Variants in SLC15A3 observed in about 807,000 individuals in gnomAD.
SLC15A3 encodes solute carrier family 15 member 3, also known as osteoclast transporter.
Under a neutral mutation model 49.2 loss-of-function variants are expected in SLC15A3, and 39 were observed. The ratio of observed to expected loss-of-function variants is 0.79; its 90% CI spans 0.61 to 1.04. SLC15A3 has a LOEUF of 1.04. Ranked by LOEUF, SLC15A3 falls within the 50% of genes least tolerant of loss-of-function variation. The probability of loss-of-function intolerance (pLI) is 0.00; values close to 1 mark genes in which losing one functional copy is unlikely to be tolerated. For missense variants in SLC15A3, 758 were observed against 794.8 expected, an observed-to-expected ratio of 0.95 and a Z score of 0.56; for synonymous variants, 339 against 367.0, an observed-to-expected ratio of 0.92 and a Z score of 0.87.
At chr11:60,949,564 G>GAAAGAAAGAAAGGAAGA in intron 1 of SLC15A3, among the ~76,000 whole-genome samples, 1 of 118,016 alleles carries the variant, frequency 8.5e-6, no homozygotes, top group South Asian at 3.2e-4. Flanking sequence ...AAGAAAGAAA[G>GAAAGAAAGAAAGGAAGA]AAAGAAAAGA....
In SLC15A3 at chr11:60,937,189, G is replaced by A. The variant is rs768219503; in HGVS notation, c.*30C>T. On this transcript the variant is annotated 3_prime_UTR_variant, in exon 8 of 8. Coordinates refer to ENST00000227880, the MANE Select transcript of SLC15A3 (RefSeq NM_016582.3). The stretch of plus-strand genomic sequence containing the variant: ...GGACTGCTGCCGTCTGTCCGGTAGA[G>A]TGAAGCAAGGGGGCTGGAATAGGGC... 2.5e-6 allele frequency: 4 copies of A among 1,602,386 alleles called. No individual in the cohort carries two copies. The Admixed American group carries it at 6.7e-5, about 27-fold the overall frequency.
intron 7 of SLC15A3, 84 bp from the exon 8 acceptor site, chr11:60,937,457 C>A (rs1332939480): frequency 7.0e-6 from 11 of 1,570,434 alleles, no homozygotes; most frequent in Non-Finnish European, 9.6e-6. Context: ...AGCCCTGGGG[C>A]TGGCAACTGA....
At position 60,942,132 on chromosome 11, in the gene SLC15A3, T is replaced by C. The variant is rs34738190; in HGVS notation, c.1010A>G (p.Tyr337Cys). 3.0e-5 allele frequency: 48 copies of C among 1,613,592 alleles called. No individual in the cohort carries two copies. The highest frequency in any genetic ancestry group is 3.6e-5 in the Non-Finnish European group (43 of 1,179,706). ...WMVYFQMQST[Y>C]VLQGLHLHIP... Reference sequence around the variant, plus strand: ...GTGGAGGTGAAGACCCTGCAGGACATAGGTGGACTGCATCTGCCAAGAGAG... The same window carrying C: ...GTGGAGGTGAAGACCCTGCAGGACACAGGTGGACTGCATCTGCCAAGAGAG... Residue 337 changes from tyrosine (Y) to cysteine (C), a missense_variant, in exon 4 of 8, where the codon TAT (tyrosine) becomes TGT (cysteine). By Grantham distance (194) the Tyr-to-Cys change is radical (BLOSUM62 -2). This residue lies in a region of SLC15A3 where 699 missense variants were observed against 706.7 expected (regional missense o/e 0.99). Coordinates refer to ENST00000227880, the MANE Select transcript of SLC15A3 (RefSeq NM_016582.3).
intron 2 of SLC15A3, 62 bp downstream of exon 2, chr11:60,946,470 C>A: frequency 6.7e-7 from 1 of 1,501,030 alleles, no homozygotes; most frequent in Non-Finnish European, 8.9e-7. Flanking sequence ...CCATGCCTCC[C>A]CGGGAGCGAT....
In SLC15A3 at chr11:60,946,632, CGG is replaced by C. The variant is rs1856806995; in HGVS notation, c.746_747del (p.Pro249ArgfsTer17). Reference protein sequence around the residue: ...LAFFIFLFATPVFITKPPMGS... With the variant: ...LAFFIFLFATXVFITKPPMGS... ...CCCATCGGGGGCTTGGTGATGAAGACGGGGGTGGCAAAGAGGAAGATGAAAAA... is the reference window on the plus strand; with the variant it reads ...CCCATCGGGGGCTTGGTGATGAAGACGGGTGGCAAAGAGGAAGATGAAAAA... On this transcript the variant is annotated frameshift_variant, in exon 2 of 8. Coordinates refer to ENST00000227880, the MANE Select transcript of SLC15A3 (RefSeq NM_016582.3). LOFTEE classifies it high-confidence loss of function. The C allele has an allele frequency of 3.1e-6, 5 of 1,613,942 alleles. No individual in the cohort carries two copies. Among genetic ancestry groups the C allele is most frequent in the Non-Finnish European group, 4.2e-6 (5 of 1,179,926 alleles).
chr11:60,940,691 C>G (rs1856695693), intron 5 of SLC15A3: 1 of 153,964 alleles, frequency 6.5e-6, no homozygotes, highest in African/African-American at 2.4e-5. Flanking sequence ...CCCCCACTGC[C>G]CCCACCAACC....
At chr11:60,943,292 C>T (rs1172977884) in intron 3 of SLC15A3, 1 of 154,240 alleles carries the variant, frequency 6.5e-6, no homozygotes, top group African/African-American at 2.4e-5. Flanking sequence ...CCTCTCTAGG[C>T]CTCAGCTACC....
Position 60,951,576 on chromosome 11 carries a change from C to T in SLC15A3, c.-25G>A. 1 of 1,134,848 alleles carries T rather than the reference C, an allele frequency of 8.8e-7. No homozygotes were observed. The allele number at this position is 1,134,848 out of a possible 1,614,324, so 70.3% of individuals were successfully genotyped here. On this transcript the variant is annotated 5_prime_UTR_variant, in exon 1 of 8. Coordinates refer to ENST00000227880, the MANE Select transcript of SLC15A3 (RefSeq NM_016582.3). ...TCCTGGCTCCGGGCTGGGCCCCCCG[C>T]GGCTCTTCTCTCCTCTCCTCTCCCC...
chr11:60,950,226 TGGTAGGAAGAAGCTGG>T (rs1260489535), intron 1 of SLC15A3, among the ~76,000 whole-genome samples: 1 of 152,186 alleles, frequency 6.6e-6, no homozygotes, highest in East Asian at 1.9e-4. Flanking sequence ...CTAGCACTGC[TGGTAGGAAGAAGCTGG>T]CTTGCTCCTG....
chr11:60,945,087 T>A (rs531586919), intron 2 of SLC15A3, among the ~76,000 whole-genome samples: 17 of 152,172 alleles, frequency 1.1e-4, no homozygotes, highest in Non-Finnish European at 2.1e-4. Flanking sequence ...GAAGCAGAAG[T>A]GGTGGTCTGG....
Position 60,951,553 on chromosome 11 carries a change from C to T in SLC15A3, c.-2G>A. The T allele has an allele frequency of 8.8e-7, 1 of 1,135,050 alleles. No homozygotes were observed. The highest frequency in any genetic ancestry group is 4.9e-5 in the Admixed American group (1 of 20,328). The allele number at this position is 1,135,050 out of a possible 1,614,324, so 70.3% of individuals were successfully genotyped here. A position where few individuals can be genotyped will look rare whatever the true frequency, so the allele number is the denominator to read the frequency against. On this transcript the variant is annotated 5_prime_UTR_variant, in exon 1 of 8. Transcript: ENST00000227880. ...CTCCCGGGCGCGCGGCGCGGGCATC[C>T]TGGCTCCGGGCTGGGCCCCCCGCGG...
rs569054468 is a variant in SLC15A3 at position 60,944,694 on chromosome 11, T to TC, written c.849-859dup. Among the ~76,000 whole-genome samples, 871 of 150,170 alleles carry TC rather than the reference T, an allele frequency of 5.8e-3. 19 individuals are homozygous for TC. The highest frequency in any genetic ancestry group is 0.015 in the East Asian group (78 of 5,116). On this transcript the variant is annotated intron_variant, in intron 2 of 7. Coordinates refer to ENST00000227880, the MANE Select transcript of SLC15A3 (RefSeq NM_016582.3). ...TGTCACAGATTTGATACACCAAAATTCCCCCCCCTTGCTGTCTCAAGTCCA... is the reference window on the plus strand; with the variant it reads ...TGTCACAGATTTGATACACCAAAATTCCCCCCCCCTTGCTGTCTCAAGTCCA...
intron 1 of SLC15A3, 34 bp downstream of exon 1, chr11:60,950,960 C>T (rs941490659): frequency 3.6e-6 from 5 of 1,404,424 alleles, no homozygotes; most frequent in Admixed American, 3.4e-5. Flanking sequence ...CCACACCCGC[C>T]GGAGTATGCC....
intron 6 of SLC15A3, among the ~76,000 whole-genome samples, chr11:60,938,926 T>C (rs1856667453): frequency 6.6e-6 from 1 of 152,140 alleles, no homozygotes; most frequent in African/African-American, 2.4e-5. Context: ...GGCCCGCAGC[T>C]GAGGAAGCCC....
At chr11:60,949,363 GGAAAGAAAGA>G (rs1019715558) in intron 1 of SLC15A3, among the ~76,000 whole-genome samples, 4 of 117,676 alleles carry the variant, frequency 3.4e-5, no homozygotes, top group Admixed American at 1.8e-4. Context: ...AAGGAAAGAA[GGAAAGAAAGA>G]GAAAGAAAGA....
chr11:60,942,413 TC>T, intron 3 of SLC15A3: 1 of 380,728 alleles, frequency 2.6e-6, no homozygotes, highest in Non-Finnish European at 4.9e-6. Context: ...AGTATTTGTG[TC>T]CCCAGGGCCC....
At position 60,939,521 on chromosome 11, in the gene SLC15A3, T is replaced by C. The variant is rs751726944; in HGVS notation, c.1394A>G (p.Tyr465Cys). ...GATCTCACTGATCCCAATGAGCAGG[T>C]ACTGAGGGATCTGCCACCAGATGGA... ...PLSIWWQIPQ[Y>C]LLIGISEIFA... Residue 465 changes from tyrosine (Y) to cysteine (C), a missense_variant, in exon 6 of 8, where the codon TAC (tyrosine) becomes TGC (cysteine). By Grantham distance (194) the Tyr-to-Cys change is radical. This residue lies in a region of SLC15A3 where 699 missense variants were observed against 706.7 expected (regional missense o/e 0.99). Coordinates refer to ENST00000227880, the MANE Select transcript of SLC15A3 (RefSeq NM_016582.3). 3.7e-6 allele frequency: 6 copies of C among 1,614,148 alleles called. No individual in the cohort carries two copies. In the Admixed American group the frequency reaches 6.7e-5, roughly 18 times the overall value.
chr11:60,951,179 CG>C lies in SLC15A3; in HGVS notation c.372del (p.Asp125ThrfsTer63). 1.3e-6 allele frequency: 2 copies of C among 1,494,890 alleles called. No homozygotes were observed. Among genetic ancestry groups the C allele is most frequent in the South Asian group, 1.3e-5 (1 of 79,530 alleles). 92.6% of individuals were successfully genotyped at this position (1,494,890 alleles called of 1,614,324 possible). A position where few individuals can be genotyped will look rare whatever the true frequency, so the allele number is the denominator to read the frequency against. The stretch of plus-strand genomic sequence containing the variant: ...TCTCCGCAGAAGGAGCTGCGGCCGT[CG>C]GGGAAGGCGGTGGCGGGCAGCAGGC... Reference protein sequence around the residue: ...ASGLLPATAFPDGRSSFCGEM... With the variant: ...ASGLLPATAFXDGRSSFCGEM... On this transcript the variant is annotated frameshift_variant, in exon 1 of 8. Coordinates refer to ENST00000227880, the MANE Select transcript of SLC15A3 (RefSeq NM_016582.3). LOFTEE classifies it high-confidence loss of function.
chr11:60,946,298 C>T (rs1032963377), intron 2 of SLC15A3, among the ~76,000 whole-genome samples: 2 of 152,098 alleles, frequency 1.3e-5, no homozygotes, highest in African/African-American at 2.4e-5. Context: ...CAGCCCCATC[C>T]TCACACATTC....
Sources: gnomAD v4.1 joint callset for allele counts (sites outside exome capture counted in the v4.1 genomes callset) on GRCh38, gnomAD v4.1.1 for gene constraint, gnomAD v4.1.1 regional missense constraint, MANE v1.5 for transcripts, NCBI Gene and HGNC (gene_info 2026-07-23, HGNC 2026-07-21) for gene names.